The following MED12 variants were observed in gnomAD, a reference collection of about 807,000 sequenced individuals.
MED12 encodes mediator complex subunit 12, also known as mediator of RNA polymerase II transcription subunit 12.
In MED12, 10 loss-of-function variants were observed where a neutral mutation model predicts 177.7. The observed-to-expected ratio is 0.06, with a 90% CI of 0.03 to 0.10. The LOEUF (loss-of-function observed/expected upper bound fraction) is 0.10, where lower values mean the gene tolerates loss of function less well. Among genes scored for constraint, MED12 ranks in the 10% least tolerant of loss-of-function variants. The probability of loss-of-function intolerance (pLI) is 1.00; values close to 1 mark genes in which losing one functional copy is unlikely to be tolerated. For synonymous variants in MED12, 641 were observed against 678.4 expected (o/e 0.94, Z 0.86); for missense variants, 867 against 1,780.8 (o/e 0.49, Z 9.23).
chrX:71,120,344 A>G (rs762494044), intron 4 of MED12, among the ~76,000 whole-genome samples, 174 bp downstream of exon 4: 1 of 109,828 alleles, frequency 9.1e-6, no homozygotes, highest in Non-Finnish European at 1.9e-5. Flanking sequence ...ATACTGGGCT[A>G]CAAAGATGTC....
chrX:71,137,967 G>A (rs1192971642), intron 41 of MED12, 24 bp downstream of exon 41: 1 of 1,188,664 alleles, frequency 8.4e-7, no homozygotes, highest in South Asian at 1.8e-5. Flanking sequence ...TGGTGAGCTA[G>A]GAAGAGATGC....
At position 71,126,493 on chromosome X, in the gene MED12, G is replaced by T. The variant is rs1381765027; in HGVS notation, c.2685+9G>T. The T allele has an allele frequency of 8.3e-7, 1 of 1,212,094 alleles. No homozygotes were observed. The highest frequency in any genetic ancestry group is 1.1e-6 in the Non-Finnish European group (1 of 895,454). On this transcript the variant is annotated intron_variant, in intron 19 of 44. Coordinates refer to ENST00000374080, the MANE Select transcript of MED12 (RefSeq NM_005120.3). ...TCGACTTTGCCATTCAGGTGGGGAA[G>T]TTGGGGAGATGAGGGTGGAGGCAGG...
At position 71,118,676 on chromosome X, in the gene MED12, T is replaced by A. The variant is rs906148713; in HGVS notation, c.-79T>A. 1.0e-6 allele frequency: 1 copy of A among 955,967 alleles called. No individual in the cohort carries two copies. The highest frequency in any genetic ancestry group is 2.0e-5 in the African/African-American group (1 of 51,280). 78.8% of individuals were successfully genotyped at this position (955,967 alleles called of 1,213,427 possible). On this transcript the variant is annotated 5_prime_UTR_variant, in exon 1 of 45. Transcript: ENST00000374080. Reference sequence around the variant, plus strand: ...CCGTCCTCTCAACCACCGCCCCCCTTTTCGGCTCCCTCTCCCCCTTCCCGT... The same window carrying A: ...CCGTCCTCTCAACCACCGCCCCCCTATTCGGCTCCCTCTCCCCCTTCCCGT...
chrX:71,134,898 C>A (rs2092328290), intron 35 of MED12, 50 bp downstream of exon 35: 19 of 1,206,171 alleles, frequency 1.6e-5, no homozygotes, highest in Non-Finnish European at 2.1e-5. Flanking sequence ...AATCTGCTGT[C>A]CAGCCTCAGG....
chrX:71,133,095 C>A, intron 32 of MED12, 28 bp from the exon 33 acceptor site: 1 of 1,094,605 alleles, frequency 9.1e-7, no homozygotes, highest in Non-Finnish European at 1.3e-6. Flanking sequence ...GATCCCTGAG[C>A]TGCATATTTT....
chrX:71,125,252 G>A (rs1210112003), intron 15 of MED12, 99 bp from the exon 16 acceptor site: 4 of 1,195,265 alleles, frequency 3.3e-6, no homozygotes, highest in Non-Finnish European at 4.5e-6. Context: ...TTGGGAAAGG[G>A]AAGGGCTTTA....
rs1252435002 is a variant in MED12, at chrX:71,137,766, A to C, written c.5867A>C (p.His1956Pro). The C allele has an allele frequency of 8.3e-7, 1 of 1,211,274 alleles. No individual in the cohort carries two copies. Among genetic ancestry groups the C allele is most frequent in the South Asian group, 1.8e-5 (1 of 56,956 alleles). ...PYVSHVGLQQ[H>P]TGPAGTMVPP... ...GTTTCTCATGTGGGATTGCAGCAAC[A>C]CACAGGCCCTGCAGGTACCATGGTG... The change falls in exon 41 of 45, where the codon CAC becomes CCC. Residue 1956 changes from histidine (H) to proline (P), a missense_variant. Around this residue, in one of 14 missense-constraint regions of MED12, gnomAD observed 236 missense variants for 345.2 expected, o/e 0.68. Coordinates refer to ENST00000374080, the MANE Select transcript of MED12 (RefSeq NM_005120.3).
chrX:71,127,178 C>T (rs1329592487), intron 20 of MED12, 46 bp downstream of exon 20: 3 of 1,178,480 alleles, frequency 2.5e-6, no homozygotes, highest in East Asian at 3.0e-5. Flanking sequence ...TGGCGAATGC[C>T]GGTGGAAGTG....
chrX:71,133,883 G>C (rs1438651020), intron 33 of MED12, among the ~76,000 whole-genome samples: 4 of 110,968 alleles, frequency 3.6e-5, no homozygotes, highest in Admixed American at 1.9e-4. Flanking sequence ...CAGAGGCCTA[G>C]AGACGTCAAG....
Position 71,120,047 on chromosome X carries a change from G to C in MED12, c.430G>C (p.Gly144Arg). The change falls in exon 4 of 45, where the codon GGG becomes CGG. Residue 144 changes from glycine (G) to arginine (R), a missense_variant. Physicochemically the swap from Gly to Arg is moderately radical, Grantham distance 125. Transcript: ENST00000374080. ...TTTCAGTAAGAAGGAAGAGGTGTTTGGGTACTTAGCCAAATACACAGTGCC... is the reference window on the plus strand; with the variant it reads ...TTTCAGTAAGAAGGAAGAGGTGTTTCGGTACTTAGCCAAATACACAGTGCC... ...PIFSKKEEVF[G>R]YLAKYTVPVM... The C allele has an allele frequency of 8.3e-7, 1 of 1,211,662 alleles. No homozygotes were observed. Among genetic ancestry groups the C allele is most frequent in the Non-Finnish European group, 1.1e-6 (1 of 895,467 alleles).
rs1218546722 is a variant in MED12 at position 71,134,441 on chromosome X, G to A, written c.4702G>A (p.Gly1568Ser). 5 of 1,153,811 alleles carry A rather than the reference G, an allele frequency of 4.3e-6. No homozygotes were observed. Among genetic ancestry groups the A allele is most frequent in the Non-Finnish European group, 4.6e-6 (4 of 860,482 alleles). The change falls in exon 34 of 45, where the codon GGC becomes AGC. Residue 1568 changes from glycine to serine, a missense_variant. Coordinates refer to ENST00000374080, the MANE Select transcript of MED12 (RefSeq NM_005120.3). ...AMLLLEIIIS[G>S]TVDMQSNNEL... ...GCTCCTCCTGGAGATCATCATCAGC[G>A]GCACTGTCGACATGCAGTCCAACAA...
chrX:71,126,523 C>T, intron 19 of MED12, 39 bp downstream of exon 19: 1 of 1,205,973 alleles, frequency 8.3e-7, no homozygotes, highest in Non-Finnish European at 1.1e-6. Flanking sequence ...GGCAGGAGTT[C>T]ATGCCATATA....
rs1204644517 is a variant in MED12 at position 71,133,159 on chromosome X, G to T, written c.4564G>T (p.Asp1522Tyr). ...NNWRDDQYLD[D>Y]CKPKQLMHEA... ...TTGGCGAGATGACCAGTACTTAGAT[G>T]ATTGCAAACCAAAGCAGCTTATGCA... The change falls in exon 33 of 45, where the codon GAT (aspartate) becomes TAT (tyrosine). Residue 1522 changes from aspartate to tyrosine, a missense_variant. This residue lies in a region of MED12 where 34 missense variants were observed against 58.9 expected (regional missense o/e 0.58). Transcript: ENST00000374080. 1 of 1,205,468 alleles carries T rather than the reference G, an allele frequency of 8.3e-7. No homozygotes were observed. The highest frequency in any genetic ancestry group is 1.1e-6 in the Non-Finnish European group (1 of 891,428).
Position 71,141,009 on chromosome X carries a change from C to T in MED12, c.6267+152C>T, listed in dbSNP as rs980699731. 5.4e-6 allele frequency: 6 copies of T among 1,101,446 alleles called. No homozygotes were observed. In the African/African-American group the frequency reaches 1.1e-4, roughly 20 times the overall value. The allele number at this position is 1,101,446 out of a possible 1,213,427, so 90.8% of individuals were successfully genotyped here. On this transcript the variant is annotated intron_variant, in intron 42 of 44. Coordinates refer to ENST00000374080, the MANE Select transcript of MED12 (RefSeq NM_005120.3). ...CTAGTGGTGCTGGAGAAGTTTTCTA[C>T]CCTCCCCCTTTTTGTTTTCTGGGGA...
Position 71,141,280 on chromosome X carries a change from G to GCAA in MED12, c.6320_6321insACA (p.Gln2115dup). 1 of 1,155,279 alleles carries GCAA rather than the reference G, an allele frequency of 8.7e-7. No homozygotes were observed. Among genetic ancestry groups the GCAA allele is most frequent in the Middle Eastern group, 2.4e-4 (1 of 4,233 alleles). On this transcript the variant is annotated inframe_insertion, in exon 43 of 45. Coordinates refer to ENST00000374080, the MANE Select transcript of MED12 (RefSeq NM_005120.3). ...AGCAGCAGCAGCAGCAACAGCAACA[G>GCAA]CAGCAGCAGCAACAGCAACAACAGC...
intron 34 of MED12, 97 bp from the exon 35 acceptor site, chrX:71,134,616 C>A: frequency 9.0e-7 from 1 of 1,114,556 alleles, no homozygotes; most frequent in Non-Finnish European, 1.2e-6. Flanking sequence ...CTTGGGATGA[C>A]ATATTAAGCA....
At chrX:71,134,037 G>T (rs997734060) in intron 33 of MED12, among the ~76,000 whole-genome samples, 7 of 109,481 alleles carry the variant, frequency 6.4e-5, no homozygotes, top group African/African-American at 2.0e-4. Flanking sequence ...AGACCATCCT[G>T]GTTAACACGA....
At chrX:71,141,127 C>A in intron 42 of MED12, 103 bp from the exon 43 acceptor site, 1 of 1,155,321 alleles carries the variant, frequency 8.7e-7, no homozygotes, top group Non-Finnish European at 1.2e-6. Context: ...CAGTAGACCC[C>A]GAGCTCCCAC....
In MED12 at chrX:71,121,030, T is replaced by C. The variant is rs765342782; in HGVS notation, c.613T>C (p.Tyr205His). 1.7e-6 allele frequency: 2 copies of C among 1,210,083 alleles called. No individual in the cohort carries two copies. Among genetic ancestry groups the C allele is most frequent in the South Asian group, 1.8e-5 (1 of 56,748 alleles). Residue 205 changes from tyrosine (Y) to histidine (H), a missense_variant, in exon 5 of 45, where the codon TAC (tyrosine) becomes CAC (histidine). Physicochemically the swap from Tyr to His is moderately conservative, Grantham distance 83. This residue lies in a region of MED12 where 309 missense variants were observed against 556.3 expected (regional missense o/e 0.56). Coordinates refer to ENST00000374080, the MANE Select transcript of MED12 (RefSeq NM_005120.3). ...GCAGTTACAGAAGATGGCTGAATAC[T>C]ACCGGCCAGGGCCTGCAGGAAGTGG... ...WEQLQKMAEY[Y>H]RPGPAGSGGC...
Sources: gnomAD v4.1 joint callset for allele counts (sites outside exome capture counted in the v4.1 genomes callset) on GRCh38, gnomAD v4.1.1 for gene constraint, gnomAD v4.1.1 regional missense constraint, MANE v1.5 for transcripts, NCBI Gene and HGNC (gene_info 2026-07-23, HGNC 2026-07-21) for gene names.